SEPTIN2: variants seen among roughly 807,000 people sequenced by gnomAD.
The protein encoded by SEPTIN2 is septin-2.
Under a neutral mutation model 46.5 loss-of-function variants are expected in SEPTIN2, and 34 were observed. That is an observed-to-expected ratio of 0.73 (90% CI 0.56 to 0.97). SEPTIN2 has a LOEUF of 0.97. Ranked by LOEUF, SEPTIN2 falls within the 50% of genes least tolerant of loss-of-function variation. SEPTIN2 has a pLI of 0.00. For synonymous variants in SEPTIN2, 175 were observed against 153.4 expected (o/e 1.14, Z -1.04); for missense variants, 347 against 448.4 (o/e 0.77, Z 2.04).
intron 1 of SEPTIN2, among the ~76,000 whole-genome samples, chr2:241,320,839 C>A (rs976475681): frequency 6.6e-6 from 1 of 151,462 alleles, no homozygotes; most frequent in Non-Finnish European, 1.5e-5. Context: ...CTTCTTTTTC[C>A]CCCCCTCATA....
At chr2:241,316,426 G>C in intron 1 of SEPTIN2, 1 of 1,238,372 alleles carries the variant, frequency 8.1e-7, no homozygotes, top group Non-Finnish European at 1.1e-6. Context: ...CCTGAGGCGT[G>C]GAGGACTGGC....
Position 241,353,835 on chromosome 2 carries a change from C to T in SEPTIN2, c.*1898C>T, listed in dbSNP as rs2060946959. 1 of 153,312 alleles carries T rather than the reference C, an allele frequency of 6.5e-6. No homozygotes were observed. Among genetic ancestry groups the T allele is most frequent in the African/African-American group, 2.4e-5 (1 of 41,458 alleles). The allele number at this position is 153,312 out of a possible 1,614,324, so 9.5% of individuals were successfully genotyped here. A position where few individuals can be genotyped will look rare whatever the true frequency, so the allele number is the denominator to read the frequency against. ...ATGCAGGGAGGGAGGACCCACACTG[C>T]TACACTTCTGATCCCCTTTGGTTTT... On this transcript the variant is annotated 3_prime_UTR_variant, in exon 13 of 13. Coordinates refer to ENST00000391971, the MANE Select transcript of SEPTIN2 (RefSeq NM_004404.5).
At position 241,321,947 on chromosome 2, in the gene SEPTIN2, C is replaced by T. The variant is rs111315341; in HGVS notation, c.-17-2269C>T. 7.2e-5 allele frequency among the ~76,000 whole-genome samples: 11 copies of T among 152,252 alleles called. 1 individual carries two copies. Among genetic ancestry groups the T allele is most frequent in the African/African-American group, 2.6e-4 (11 of 41,532 alleles). On this transcript the variant is annotated intron_variant, in intron 1 of 12. Coordinates refer to ENST00000391971, the MANE Select transcript of SEPTIN2 (RefSeq NM_004404.5). The stretch of plus-strand genomic sequence containing the variant: ...CTCTTTCCCTTTAGGAAGTTCTACT[C>T]CTCCACACTCACACTTGCTCTCAAT...
chr2:241,324,059 A>G (rs1411054499), intron 1 of SEPTIN2, 157 bp from the exon 2 acceptor site: 1 of 615,900 alleles, frequency 1.6e-6, no homozygotes, highest in Non-Finnish European at 2.8e-6. Context: ...CCTTTGGCCT[A>G]ATGCATTTGG....
intron 1 of SEPTIN2, chr2:241,316,947 T>C (rs1380703066): frequency 1.2e-5 from 2 of 163,556 alleles, no homozygotes; most frequent in African/African-American, 4.8e-5. Context: ...ATGTTCCAGA[T>C]GGTATTTGTC....
chr2:241,337,504 C>T lies in SEPTIN2; in HGVS notation c.464C>T (p.Pro155Leu). 1 of 1,613,636 alleles carries T rather than the reference C, an allele frequency of 6.2e-7. No individual in the cohort carries two copies. Among genetic ancestry groups the T allele is most frequent in the South Asian group, 1.1e-5 (1 of 90,980 alleles). The change falls in exon 6 of 13, where the codon CCT becomes CTT. Residue 155 changes from proline to leucine, a missense_variant. Coordinates refer to ENST00000391971, the MANE Select transcript of SEPTIN2 (RefSeq NM_004404.5). ...CATTGTTGCTTTTACTTTATTTCAC[C>T]TTTTGGACATGGGTAAGTAATTGTT... is the stretch of plus-strand genomic sequence containing the variant. ...RVHCCFYFIS[P>L]FGHGLKPLDV...
intron 7 of SEPTIN2, among the ~76,000 whole-genome samples, chr2:241,338,802 C>CATATATTTATATTATTTATATATAATAT (rs1559642999): frequency 1.4e-4 from 11 of 81,222 alleles, no homozygotes; most frequent in Admixed American, 2.3e-4. Flanking sequence ...ATATATAATA[C>CATATATTTATATTATTTATATATAATAT]ATATTATATT....
chr2:241,316,638 C>T (rs1327738683), intron 1 of SEPTIN2: 7 of 1,051,922 alleles, frequency 6.7e-6, no homozygotes, highest in African/African-American at 5.0e-5. Context: ...CTGTGGCTTC[C>T]GTGGTCTCAG....
chr2:241,340,776 C>G (rs1343972823), intron 7 of SEPTIN2, among the ~76,000 whole-genome samples: 2 of 152,184 alleles, frequency 1.3e-5, no homozygotes, highest in Non-Finnish European at 2.9e-5. Context: ...TTAATCACTT[C>G]TCTTCCTCCA....
At chr2:241,315,912 T>TGAGCGGACCGC (rs1380573525), upstream of SEPTIN2, 3 of 151,668 alleles carry the variant, frequency 2.0e-5, no homozygotes, top group African/African-American at 7.3e-5. Flanking sequence ...GGGCGGGCTG[T>TGAGCGGACCGC]GAGCGGACCG....
At chr2:241,345,682 C>T (rs2081922546) in intron 9 of SEPTIN2, among the ~76,000 whole-genome samples, 1 of 152,048 alleles carries the variant, frequency 6.6e-6, no homozygotes. Flanking sequence ...AATATTAGTC[C>T]TTCACTTTAT....
At position 241,333,579 on chromosome 2, in the gene SEPTIN2, G is replaced by A. The variant is rs536993478; in HGVS notation, c.131-1547G>A. 5.3e-5 allele frequency among the ~76,000 whole-genome samples: 8 copies of A among 151,966 alleles called. No individual in the cohort carries two copies. In the East Asian group the frequency reaches 5.8e-4, roughly 11 times the overall value. ...CGCTGGAGTGCAGTGGTGCGATCTCGGCTCACTGCAAGCTCCGCCTCCCGG... is the reference window on the plus strand; with the variant it reads ...CGCTGGAGTGCAGTGGTGCGATCTCAGCTCACTGCAAGCTCCGCCTCCCGG... On this transcript the variant is annotated intron_variant, in intron 3 of 12. Transcript: ENST00000391971.
intron 8 of SEPTIN2, 82 bp from the exon 9 acceptor site, chr2:241,343,670 G>T: frequency 6.6e-7 from 1 of 1,511,538 alleles, no homozygotes; most frequent in Non-Finnish European, 9.1e-7. Context: ...AATGTGTTAA[G>T]TCTGTGCTAA....
chr2:241,329,616 G>A (rs1320988698), intron 3 of SEPTIN2, among the ~76,000 whole-genome samples: 1 of 152,128 alleles, frequency 6.6e-6, no homozygotes, highest in Non-Finnish European at 1.5e-5. Context: ...TACAGAAAGG[G>A]TACACTCGCC....
intron 1 of SEPTIN2, 27 bp from the exon 2 acceptor site, chr2:241,324,189 T>G (rs1290838860): frequency 6.2e-7 from 1 of 1,606,628 alleles, no homozygotes; most frequent in Non-Finnish European, 8.5e-7. Flanking sequence ...TGCGTTTATG[T>G]GTGTCTGTGT....
intron 3 of SEPTIN2, among the ~76,000 whole-genome samples, chr2:241,331,199 A>T (rs527332130): frequency 1.3e-5 from 2 of 152,362 alleles, no homozygotes; most frequent in African/African-American, 4.8e-5. Flanking sequence ...AAAGAAAAAA[A>T]TCACAAACAA....
intron 4 of SEPTIN2, chr2:241,335,667 G>A (rs111550718): frequency 1.8e-4 from 103 of 569,018 alleles, no homozygotes; most frequent in African/African-American, 1.5e-3. Flanking sequence ...GCAAGAATAT[G>A]TAGCCCTTTC....
At chr2:241,349,966 T>C (rs147284812) in intron 11 of SEPTIN2, 107 bp from the exon 12 acceptor site, 20 of 999,558 alleles carry the variant, frequency 2.0e-5, no homozygotes, top group Non-Finnish European at 2.9e-5. Flanking sequence ...TCCTGTCATA[T>C]TTTGGGAAGG....
At chr2:241,317,301 A>AT (rs1033783565) in intron 1 of SEPTIN2, among the ~76,000 whole-genome samples, 4 of 151,852 alleles carry the variant, frequency 2.6e-5, no homozygotes, top group Admixed American at 1.3e-4. Context: ...GGTTGTCCTG[A>AT]TTTTTTTTCC....
Sources: allele counts gnomAD v4.1 joint callset (sites outside exome capture counted in the v4.1 genomes callset), GRCh38; gene constraint gnomAD v4.1.1; transcripts MANE v1.5; gene names NCBI Gene and HGNC (gene_info 2026-07-23, HGNC 2026-07-21).